The following SLC30A9 variants were observed in gnomAD, a reference collection of about 807,000 sequenced individuals.
SLC30A9 encodes the protein solute carrier family 30 member 9.
SLC30A9 carries 58 observed loss-of-function variants against 87.5 expected under a neutral mutation model. That is an observed-to-expected ratio of 0.66 (90% CI 0.54 to 0.82). SLC30A9 has a LOEUF of 0.82. Among genes scored for constraint, SLC30A9 ranks in the 40% least tolerant of loss-of-function variants. The pLI is 0.00. For missense variants in SLC30A9, 557 were observed against 679.1 expected (o/e 0.82, Z 2.00); for synonymous variants, 234 against 233.0 (o/e 1.00, Z -0.04).
chr4:42,004,198 T>C (rs921373621), intron 2 of SLC30A9, among the ~76,000 whole-genome samples: 6 of 152,226 alleles, frequency 3.9e-5, no homozygotes, highest in African/African-American at 1.4e-4. Context: ...TGTTTGTATA[T>C]TTTTTCTATT....
At chr4:42,031,349 A>G (rs1057398399) in intron 6 of SLC30A9, among the ~76,000 whole-genome samples, 1 of 152,080 alleles carries the variant, frequency 6.6e-6, no homozygotes, top group Non-Finnish European at 1.5e-5. Flanking sequence ...TCAGATTTCC[A>G]TGCAAGTGCA....
chr4:42,027,175 T>C (rs1191156812), intron 6 of SLC30A9, among the ~76,000 whole-genome samples: 1 of 152,202 alleles, frequency 6.6e-6, no homozygotes, highest in East Asian at 1.9e-4. Flanking sequence ...GGTTTTCATA[T>C]TTTTAATGAC....
intron 11 of SLC30A9, among the ~76,000 whole-genome samples, chr4:42,064,977 T>C (rs1718022918): frequency 6.6e-6 from 1 of 152,180 alleles, no homozygotes; most frequent in African/African-American, 2.4e-5. Context: ...TTGCAGGGAA[T>C]GTGGTATTAC....
At chr4:41,991,057 A>T (rs901781630) in intron 1 of SLC30A9, among the ~76,000 whole-genome samples, 7 of 152,232 alleles carry the variant, frequency 4.6e-5, no homozygotes, top group Non-Finnish European at 1.0e-4. Context: ...TTACGTGCGC[A>T]TCGCGGTGTC....
At position 42,018,108 on chromosome 4, in the gene SLC30A9, C is replaced by T; in HGVS notation, c.275-3C>T. On this transcript the variant is annotated splice_region_variant and splice_polypyrimidine_tract_variant and intron_variant, in intron 2 of 17. Coordinates refer to ENST00000264451, the MANE Select transcript of SLC30A9 (RefSeq NM_006345.4). ...TGTAAACTTCTTTTAATAAACTTTA[C>T]AGCAGAAGGTATAGGCACAGAACTC... is the stretch of plus-strand genomic sequence containing the variant. 1.3e-6 allele frequency: 2 copies of T among 1,504,360 alleles called. No individual in the cohort carries two copies. Among genetic ancestry groups the T allele is most frequent in the South Asian group, 1.2e-5 (1 of 86,140 alleles). 93.2% of individuals were successfully genotyped at this position (1,504,360 alleles called of 1,614,324 possible). A position where few individuals can be genotyped will look rare whatever the true frequency, so the allele number is the denominator to read the frequency against.
intron 1 of SLC30A9, among the ~76,000 whole-genome samples, chr4:41,992,709 A>G (rs931963083): frequency 6.6e-6 from 1 of 152,260 alleles, no homozygotes; most frequent in African/African-American, 2.4e-5. Context: ...ACACTTAAAA[A>G]TGCTTAGTAG....
At chr4:42,006,252 A>T (rs528059011) in intron 2 of SLC30A9, among the ~76,000 whole-genome samples, 20 of 152,286 alleles carry the variant, frequency 1.3e-4, no homozygotes, top group African/African-American at 4.6e-4. Context: ...ATCCCCAACA[A>T]ATACTGAGGG....
intron 1 of SLC30A9, among the ~76,000 whole-genome samples, chr4:41,991,023 T>C (rs1007409127): frequency 3.9e-5 from 6 of 152,236 alleles, no homozygotes; most frequent in Non-Finnish European, 5.9e-5. Context: ...CTCTGAAGCC[T>C]ACCGCTTTGT....
chr4:42,063,534 G>A (rs891269535), intron 11 of SLC30A9, among the ~76,000 whole-genome samples: 15 of 152,200 alleles, frequency 9.9e-5, no homozygotes, highest in South Asian at 4.1e-4. Context: ...CTCTTTTCCC[G>A]CATCCTGGGC....
At chr4:42,029,304 GT>G in intron 6 of SLC30A9, 2 of 499,058 alleles carry the variant, frequency 4.0e-6, no homozygotes, top group Non-Finnish European at 8.0e-6. Context: ...GTGGCAGTTG[GT>G]TTAAGATCAT....
At chr4:42,048,403 C>T (rs1340639497) in intron 8 of SLC30A9, among the ~76,000 whole-genome samples, 2 of 151,992 alleles carry the variant, frequency 1.3e-5, no homozygotes, top group African/African-American at 4.8e-5. Context: ...AAGAAGTTAT[C>T]TGAGGTGGAG....
intron 2 of SLC30A9, among the ~76,000 whole-genome samples, chr4:42,017,219 G>A (rs1209814200): frequency 6.6e-6 from 1 of 151,926 alleles, no homozygotes; most frequent in Non-Finnish European, 1.5e-5. Flanking sequence ...TTGGTTATTT[G>A]TATATCCTTT....
At chr4:42,041,857 C>A (rs1577703320) in intron 8 of SLC30A9, among the ~76,000 whole-genome samples, 1 of 152,184 alleles carries the variant, frequency 6.6e-6, no homozygotes, top group African/African-American at 2.4e-5. Flanking sequence ...AGCTGAGGTA[C>A]CTGGCTCATC....
At chr4:42,016,466 T>A (rs142461710) in intron 2 of SLC30A9, among the ~76,000 whole-genome samples, 1 of 152,342 alleles carries the variant, frequency 6.6e-6, no homozygotes, top group East Asian at 1.9e-4. Context: ...AGGAAATAGC[T>A]TTATACATTT....
At chr4:42,020,262 G>T (rs1387677946) in intron 3 of SLC30A9, among the ~76,000 whole-genome samples, 154 bp from the exon 4 acceptor site, 1 of 152,088 alleles carries the variant, frequency 6.6e-6, no homozygotes, top group Non-Finnish European at 1.5e-5. Context: ...ATCCTATTCT[G>T]CACTTGGATA....
At chr4:42,006,756 A>G (rs1577680762) in intron 2 of SLC30A9, among the ~76,000 whole-genome samples, 1 of 151,462 alleles carries the variant, frequency 6.6e-6, no homozygotes, top group East Asian at 1.9e-4. Flanking sequence ...AATTCCTGGA[A>G]TAGTGAGTAG....
At chr4:42,050,178 T>C (rs750336091) in intron 9 of SLC30A9, among the ~76,000 whole-genome samples, 3 of 152,132 alleles carry the variant, frequency 2.0e-5, no homozygotes, top group Non-Finnish European at 4.4e-5. Flanking sequence ...TAATTAAAAA[T>C]TAAGCCTGTG....
At chr4:42,033,846 A>G (rs987485772) in intron 6 of SLC30A9, among the ~76,000 whole-genome samples, 16 of 152,176 alleles carry the variant, frequency 1.1e-4, no homozygotes, top group African/African-American at 3.6e-4. Flanking sequence ...AAGTGCTGGG[A>G]TTACAGGCAT....
chr4:41,997,173 A>AT (rs1353712252), intron 1 of SLC30A9, among the ~76,000 whole-genome samples: 1 of 146,536 alleles, frequency 6.8e-6, no homozygotes, highest in Non-Finnish European at 1.5e-5. Flanking sequence ...AAAAAAAAAG[A>AT]TTCTCTGTTT....
Sources: gnomAD v4.1 joint callset for allele counts (sites outside exome capture counted in the v4.1 genomes callset) on GRCh38, gnomAD v4.1.1 for gene constraint, MANE v1.5 for transcripts, NCBI Gene and HGNC (gene_info 2026-07-23, HGNC 2026-07-21) for gene names.